Variants in NDST3 observed in about 807,000 individuals in gnomAD.
NDST3 encodes bifunctional heparan sulfate N-deacetylase/N-sulfotransferase 3.
In NDST3, 58 loss-of-function variants were observed where a neutral mutation model predicts 96.1. The observed-to-expected ratio is 0.60, with a 90% confidence interval of 0.49 to 0.75. The LOEUF (loss-of-function observed/expected upper bound fraction) is 0.75. Ranked by LOEUF, NDST3 falls within the 30% of genes least tolerant of loss-of-function variation. NDST3 has a pLI of 0.00. For missense variants in NDST3, 788 were observed against 1,034.2 expected (o/e 0.76, Z 3.27); for synonymous variants, 333 against 359.7 (o/e 0.93, Z 0.84).
intron 4 of NDST3, among the ~76,000 whole-genome samples, chr4:118,134,433 A>G (rs995752534): frequency 1.2e-4 from 19 of 152,232 alleles, no homozygotes; most frequent in Admixed American, 2.6e-4. Flanking sequence ...AGGAAGCAAG[A>G]GAGGGAATGC....
intron 6 of NDST3, among the ~76,000 whole-genome samples, chr4:118,163,405 G>A (rs1334287685): frequency 6.6e-6 from 1 of 152,106 alleles, no homozygotes; most frequent in Non-Finnish European, 1.5e-5. Flanking sequence ...TATACACCAT[G>A]GAATACTATG....
In NDST3 at chr4:118,054,166, A is replaced by C; in HGVS notation, c.256A>C (p.Ser86Arg). Residue 86 changes from serine to arginine, a missense_variant, in exon 2 of 14, where the codon AGC (serine) becomes CGC (arginine). Transcript: ENST00000296499. ...CCCCACAGTCCTAGTATTTGTAGAG[A>C]GCCAGTACTCATCTCTTGGTCAAGA... is the stretch of plus-strand genomic sequence containing the variant. ...TDPTVLVFVE[S>R]QYSSLGQDII... 1 of 1,613,104 alleles carries C rather than the reference A, an allele frequency of 6.2e-7. No individual in the cohort carries two copies. Among genetic ancestry groups the C allele is most frequent in the Middle Eastern group, 1.7e-4 (1 of 6,056 alleles).
At chr4:118,195,116 T>G (rs1328867067) in intron 6 of NDST3, among the ~76,000 whole-genome samples, 5 of 152,208 alleles carry the variant, frequency 3.3e-5, no homozygotes, top group African/African-American at 4.8e-5. Flanking sequence ...TTAACAAAAT[T>G]GATTCTTCCC....
chr4:118,232,959 T>C lies in NDST3; in HGVS notation c.1820-53T>C, dbSNP rs1740405104. ...ATTCATGACTTTAAAGTGTTGATCA[T>C]AGGAAATTGTGTTTTCATTTAATTA... On this transcript the variant is annotated intron_variant, in intron 8 of 13. Transcript: ENST00000296499. 12 of 1,539,676 alleles carry C rather than the reference T, an allele frequency of 7.8e-6. No individual in the cohort carries two copies. In the South Asian group the frequency reaches 1.4e-4, roughly 18 times the overall value.
intron 1 of NDST3, among the ~76,000 whole-genome samples, chr4:118,038,275 A>G (rs2110420061): frequency 6.6e-6 from 1 of 152,342 alleles, no homozygotes; most frequent in Non-Finnish European, 1.5e-5. Context: ...ATAGGGCAGA[A>G]TAAACAGCAA....
chr4:118,203,305 T>A (rs1738216171), intron 6 of NDST3, among the ~76,000 whole-genome samples: 1 of 152,182 alleles, frequency 6.6e-6, no homozygotes, highest in African/African-American at 2.4e-5. Context: ...CAGATTTGGG[T>A]ACCAGGCTGA....
chr4:118,198,089 C>T (rs1737818080), intron 6 of NDST3, among the ~76,000 whole-genome samples: 1 of 152,054 alleles, frequency 6.6e-6, no homozygotes, highest in African/African-American at 2.4e-5. Flanking sequence ...TGAGCCACCA[C>T]ACCTGGCCTC....
In NDST3 at chr4:118,114,881, G is replaced by A. The variant is rs1187702900; in HGVS notation, c.1145G>A (p.Trp382Ter). 1 of 1,614,072 alleles carries A rather than the reference G, an allele frequency of 6.2e-7. No homozygotes were observed. The highest frequency in any genetic ancestry group is 8.5e-7 in the Non-Finnish European group (1 of 1,179,974). The change falls in exon 4 of 14, where the codon TGG becomes TAG. Residue 382 changes from tryptophan to a stop codon, truncating the protein, a stop_gained. Coordinates refer to ENST00000296499, the MANE Select transcript of NDST3 (RefSeq NM_004784.3). LOFTEE classifies it high-confidence loss of function. ...VDEFWWFPHM[W>*]SHMQPHLFHN... is the part of the protein sequence containing the mutation. ...GAGTTCTGGTGGTTTCCTCACATGTGGAGCCATATGCAGCCCCACCTCTTC... is the reference window on the plus strand; with the variant it reads ...GAGTTCTGGTGGTTTCCTCACATGTAGAGCCATATGCAGCCCCACCTCTTC...
rs956698338 is a variant in NDST3, at chr4:118,130,576, C to A, written c.1225-7478C>A. Among the ~76,000 whole-genome samples, 9 of 152,144 alleles carry A rather than the reference C, an allele frequency of 5.9e-5. No individual in the cohort carries two copies. The South Asian group carries it at 1.9e-3, about 32-fold the overall frequency. On this transcript the variant is annotated intron_variant, in intron 4 of 13. Coordinates refer to ENST00000296499, the MANE Select transcript of NDST3 (RefSeq NM_004784.3). ...ATTGGTTCATCATTTAGTCTTTCTA[C>A]TTAAGATAAGAGAAGTTTACACACC...
intron 3 of NDST3, among the ~76,000 whole-genome samples, chr4:118,110,462 G>A (rs1042172910): frequency 1.3e-5 from 2 of 152,128 alleles, no homozygotes; most frequent in African/African-American, 2.4e-5. Flanking sequence ...GTAAAATGAA[G>A]TTAGCAGCAG....
At chr4:118,179,071 T>G (rs1414968411) in intron 6 of NDST3, among the ~76,000 whole-genome samples, 1 of 151,972 alleles carries the variant, frequency 6.6e-6, no homozygotes, top group Non-Finnish European at 1.5e-5. Flanking sequence ...AAATCTCACA[T>G]AATAGGCAAT....
intron 6 of NDST3, among the ~76,000 whole-genome samples, chr4:118,151,001 T>C: frequency 6.6e-6 from 1 of 151,618 alleles, no homozygotes; most frequent in East Asian, 1.9e-4. Context: ...TGTCCAACAA[T>C]GATAGACTGG....
intron 6 of NDST3, among the ~76,000 whole-genome samples, chr4:118,166,150 T>G (rs1039175240): frequency 6.6e-6 from 1 of 151,742 alleles, no homozygotes; most frequent in East Asian, 1.9e-4. Context: ...ATTAACATCA[T>G]TGGCAAACCT....
intron 4 of NDST3, among the ~76,000 whole-genome samples, chr4:118,120,911 T>C (rs1467810907): frequency 6.6e-6 from 1 of 152,204 alleles, no homozygotes; most frequent in Non-Finnish European, 1.5e-5. Flanking sequence ...TCTATTAATG[T>C]AGCCAAAGAT....
At chr4:118,037,861 T>G (rs1266320309) in intron 1 of NDST3, among the ~76,000 whole-genome samples, 1 of 152,192 alleles carries the variant, frequency 6.6e-6, no homozygotes, top group Non-Finnish European at 1.5e-5. Flanking sequence ...TATTGATGTG[T>G]CCATAGAATA....
rs868863461 is a variant in NDST3, at chr4:118,150,070, G to A, written c.1539+6386G>A. On this transcript the variant is annotated intron_variant, in intron 6 of 13. Coordinates refer to ENST00000296499, the MANE Select transcript of NDST3 (RefSeq NM_004784.3). ...TGCTGGATTACATTTATTGATTTGCGTATATTGAACCAGCCTTGCATCCCA... is the reference window on the plus strand; with the variant it reads ...TGCTGGATTACATTTATTGATTTGCATATATTGAACCAGCCTTGCATCCCA... 4.2e-3 allele frequency among the ~76,000 whole-genome samples: 631 copies of A among 151,390 alleles called. 3 individuals carry two copies. Among genetic ancestry groups the A allele is most frequent in the Middle Eastern group, 0.041 (12 of 294 alleles).
At chr4:118,253,128 A>G (rs1741862514) in intron 12 of NDST3, among the ~76,000 whole-genome samples, 1 of 152,140 alleles carries the variant, frequency 6.6e-6, no homozygotes, top group African/African-American at 2.4e-5. Flanking sequence ...TTGTTTTTAA[A>G]CCCTACAAAG....
chr4:118,235,474 G>T lies in NDST3; in HGVS notation c.1944-1572G>T, dbSNP rs563260738. Among the ~76,000 whole-genome samples, 4 of 152,226 alleles carry T rather than the reference G, an allele frequency of 2.6e-5. No individual in the cohort carries two copies. In the East Asian group the frequency reaches 7.7e-4, roughly 29 times the overall value. On this transcript the variant is annotated intron_variant, in intron 9 of 13. Transcript: ENST00000296499. ...GCCTGGCAAAATCAACACATTATAG[G>T]TCCAAGATCCAGACTTGCTTGAGGA... is the stretch of plus-strand genomic sequence containing the variant.
chr4:118,091,594 C>A (rs1351304082), intron 2 of NDST3, among the ~76,000 whole-genome samples: 2 of 151,626 alleles, frequency 1.3e-5, no homozygotes. Flanking sequence ...ACTCTGACCC[C>A]AAGCAGAGGA....
Sources: gnomAD v4.1 joint callset for allele counts (sites outside exome capture counted in the v4.1 genomes callset) on GRCh38, gnomAD v4.1.1 for gene constraint, MANE v1.5 for transcripts, NCBI Gene and HGNC (gene_info 2026-07-23, HGNC 2026-07-21) for gene names.